PRDM5: variants seen among roughly 807,000 people sequenced by gnomAD.
PRDM5 encodes the protein PR/SET domain 5.
PRDM5 carries 56 observed loss-of-function variants against 81.2 expected under a neutral mutation model. The ratio of observed to expected loss-of-function variants is 0.69; its 90% CI spans 0.56 to 0.86. PRDM5 has a LOEUF of 0.86. Ranked by LOEUF, PRDM5 falls within the 40% of genes least tolerant of loss-of-function variation. The pLI is 0.00. For missense variants in PRDM5, 697 were observed against 770.1 expected, an observed-to-expected ratio of 0.91 and a Z score of 1.12; for synonymous variants, 267 against 256.4, an observed-to-expected ratio of 1.04 and a Z score of -0.39.
At chr4:120,864,038 G>C (rs1760934871) in intron 2 of PRDM5, among the ~76,000 whole-genome samples, 1 of 152,094 alleles carries the variant, frequency 6.6e-6, no homozygotes. Flanking sequence ...ACTAATCAGG[G>C]GCCACCCCTG....
At chr4:120,884,699 A>G (rs1195158913) in intron 2 of PRDM5, among the ~76,000 whole-genome samples, 1 of 152,158 alleles carries the variant, frequency 6.6e-6, no homozygotes, top group East Asian at 1.9e-4. Flanking sequence ...GGGGGACACT[A>G]CTTCTGAGTG....
chr4:120,884,728 C>T (rs1376401246), intron 2 of PRDM5, among the ~76,000 whole-genome samples: 2 of 152,164 alleles, frequency 1.3e-5, no homozygotes, highest in Non-Finnish European at 2.9e-5. Context: ...GACCATCCTC[C>T]TCCTTCAAAG....
chr4:120,854,621 T>C (rs1759660978), intron 2 of PRDM5, among the ~76,000 whole-genome samples: 1 of 152,110 alleles, frequency 6.6e-6, no homozygotes, highest in Non-Finnish European at 1.5e-5. Context: ...GCATCAAGAA[T>C]CTTTCAGTGA....
At chr4:120,770,006 CTATT>C (rs573883065) in intron 13 of PRDM5, among the ~76,000 whole-genome samples, 6,844 of 137,786 alleles carry the variant, frequency 0.05, 304 homozygotes, top group Middle Eastern at 0.15. Flanking sequence ...TAAAATATCC[CTATT>C]TATTTATTTA....
intron 1 of PRDM5, among the ~76,000 whole-genome samples, chr4:120,913,507 C>T (rs989942279): frequency 6.6e-6 from 1 of 152,210 alleles, no homozygotes; most frequent in Non-Finnish European, 1.5e-5. Context: ...TGGAATTATT[C>T]TTTATGAAAT....
Position 120,922,530 on chromosome 4 carries a change from G to T in PRDM5, c.79C>A (p.Arg27Ser). 1 of 1,606,926 alleles carries T rather than the reference G, an allele frequency of 6.2e-7. No homozygotes were observed. Among genetic ancestry groups the T allele is most frequent in the Non-Finnish European group, 8.5e-7 (1 of 1,177,394 alleles). ...GGGTCACCCACCTTTCGCACTCTGC[G>T]GGCCGTGTAGAGCCCCATGCCGTCC... ...VQDGMGLYTA[R>S]RVRKGEKFGP... The change falls in exon 1 of 16, where the codon CGC (arginine) becomes AGC (serine). Residue 27 changes from arginine to serine, a missense_variant. Transcript: ENST00000264808.
At chr4:120,919,416 T>C (rs1724617095) in intron 1 of PRDM5, among the ~76,000 whole-genome samples, 3 of 152,304 alleles carry the variant, frequency 2.0e-5, no homozygotes, top group African/African-American at 7.2e-5. Context: ...CAGCCTAAAA[T>C]ATCCAAAGGG....
intron 7 of PRDM5, among the ~76,000 whole-genome samples, chr4:120,813,846 C>G (rs1754159660): frequency 6.6e-6 from 1 of 152,100 alleles, no homozygotes; most frequent in African/African-American, 2.4e-5. Flanking sequence ...GATACTAGGC[C>G]CTACTCCTTC....
At chr4:120,727,906 A>G (rs1329550680) in intron 14 of PRDM5, among the ~76,000 whole-genome samples, 1 of 151,610 alleles carries the variant, frequency 6.6e-6, no homozygotes, top group Non-Finnish European at 1.5e-5. Context: ...ACTGCACTCC[A>G]ACCTGGGTGA....
At chr4:120,779,739 TA>T (rs1748732834) in intron 12 of PRDM5, among the ~76,000 whole-genome samples, 1 of 151,968 alleles carries the variant, frequency 6.6e-6, no homozygotes, top group South Asian at 2.1e-4. Context: ...CCGTCTCTAC[TA>T]AAAATACAAA....
At chr4:120,698,389 T>A (rs1482225546) in intron 15 of PRDM5, among the ~76,000 whole-genome samples, 1 of 152,164 alleles carries the variant, frequency 6.6e-6, no homozygotes, top group Non-Finnish European at 1.5e-5. Flanking sequence ...TCTGGCCTTT[T>A]ATTCCCCTTT....
At chr4:120,831,648 T>C (rs931065692) in intron 3 of PRDM5, among the ~76,000 whole-genome samples, 1 of 151,928 alleles carries the variant, frequency 6.6e-6, no homozygotes, top group Non-Finnish European at 1.5e-5. Context: ...CTAGAAGGAC[T>C]CTGAACTTAG....
intron 14 of PRDM5, among the ~76,000 whole-genome samples, chr4:120,745,940 T>C (rs1175420783): frequency 2.0e-5 from 3 of 150,216 alleles, no homozygotes; most frequent in African/African-American, 7.5e-5. Context: ...TACTTTAAAG[T>C]TCATATGGAA....
At chr4:120,876,586 C>G (rs1423063969) in intron 2 of PRDM5, among the ~76,000 whole-genome samples, 1 of 151,992 alleles carries the variant, frequency 6.6e-6, no homozygotes, top group Non-Finnish European at 1.5e-5. Flanking sequence ...TAAAGAGAAA[C>G]AAGGTCTAAA....
intron 4 of PRDM5, 31 bp downstream of exon 4, chr4:120,821,140 T>G (rs1755205120): frequency 6.2e-7 from 1 of 1,607,050 alleles, no homozygotes; most frequent in Non-Finnish European, 8.5e-7. Flanking sequence ...CAACTTTTCT[T>G]CTCCCAGATC....
intron 2 of PRDM5, among the ~76,000 whole-genome samples, chr4:120,863,875 T>A (rs2148510400): frequency 6.6e-6 from 1 of 152,272 alleles, no homozygotes; most frequent in East Asian, 1.9e-4. Flanking sequence ...ACGACAGAAG[T>A]AAATCTGGTT....
At chr4:120,835,388 G>T (rs540338063) in intron 3 of PRDM5, among the ~76,000 whole-genome samples, 2 of 152,296 alleles carry the variant, frequency 1.3e-5, no homozygotes, top group South Asian at 4.1e-4. Flanking sequence ...CTATGCCTGT[G>T]TGCATGCATG....
At chr4:120,704,058 GA>G (rs1440676602) in intron 15 of PRDM5, among the ~76,000 whole-genome samples, 1 of 152,078 alleles carries the variant, frequency 6.6e-6, no homozygotes, top group South Asian at 2.1e-4. Context: ...TGGCAAGCTG[GA>G]AAAAACGGAA....
intron 14 of PRDM5, among the ~76,000 whole-genome samples, chr4:120,715,202 G>A (rs1014285097): frequency 2.6e-5 from 4 of 152,006 alleles, no homozygotes; most frequent in African/African-American, 9.7e-5. Context: ...CTCACTTTCA[G>A]CTCCATTTTT....
Sources: allele counts gnomAD v4.1 joint callset (sites outside exome capture counted in the v4.1 genomes callset), GRCh38; gene constraint gnomAD v4.1.1; transcripts MANE v1.5; gene names NCBI Gene and HGNC (gene_info 2026-07-23, HGNC 2026-07-21).